The following ZC3H3 variants were observed in gnomAD, a reference collection of about 807,000 sequenced individuals.
ZC3H3 encodes the protein zinc finger CCCH-type containing 3, also known as zinc finger CCCH domain-containing protein 3.
In ZC3H3, 36 loss-of-function variants were observed where a neutral mutation model predicts 77.3. That is an observed-to-expected ratio of 0.47 (90% CI 0.36 to 0.61). The LOEUF (loss-of-function observed/expected upper bound fraction) is 0.61, where lower values mean the gene tolerates loss of function less well. ZC3H3 is among the 20% of genes least tolerant of loss of function. ZC3H3 has a pLI of 0.00. For synonymous variants in ZC3H3, 626 were observed against 555.2 expected, an observed-to-expected ratio of 1.13 and a Z score of -1.79; for missense variants, 1,331 against 1,312.2, an observed-to-expected ratio of 1.01 and a Z score of -0.22.
intron 5 of ZC3H3, among the ~76,000 whole-genome samples, chr8:143,471,081 T>C (rs948452024): frequency 6.6e-6 from 1 of 152,128 alleles, no homozygotes; most frequent in Non-Finnish European, 1.5e-5. Context: ...CAGGCCCTGC[T>C]CCGGCCAGCA....
At chr8:143,517,451 C>T (rs1442319990) in intron 3 of ZC3H3, among the ~76,000 whole-genome samples, 2 of 152,116 alleles carry the variant, frequency 1.3e-5, no homozygotes, top group East Asian at 1.9e-4. Context: ...CCCCAGGCCG[C>T]GCTCCAAGCA....
chr8:143,511,075 A>G (rs1351617923), intron 3 of ZC3H3, among the ~76,000 whole-genome samples: 3 of 152,258 alleles, frequency 2.0e-5, no homozygotes, highest in Non-Finnish European at 4.4e-5. Context: ...ATGAGATATG[A>G]GCCCATCCAT....
chr8:143,510,027 T>C (rs1244820049), intron 3 of ZC3H3, among the ~76,000 whole-genome samples: 2 of 152,108 alleles, frequency 1.3e-5, no homozygotes, highest in Non-Finnish European at 2.9e-5. Flanking sequence ...AGGGGCAGCT[T>C]GGGGCAGGCA....
chr8:143,475,220 C>A (rs1312760082), intron 5 of ZC3H3, among the ~76,000 whole-genome samples, 178 bp downstream of exon 5: 1 of 152,228 alleles, frequency 6.6e-6, no homozygotes, highest in East Asian at 1.9e-4. Context: ...TTGGGAAGTG[C>A]TTGTTTGGAC....
Position 143,501,770 on chromosome 8 carries a change from G to A in ZC3H3, c.1715+5976C>T, listed in dbSNP as rs1052779169. Among the ~76,000 whole-genome samples, 5 of 152,162 alleles carry A rather than the reference G, an allele frequency of 3.3e-5. No individual in the cohort carries two copies. The East Asian group carries it at 7.7e-4, about 23-fold the overall frequency. On this transcript the variant is annotated intron_variant, in intron 4 of 11. Transcript: ENST00000262577. ...GGATCCCATGGTCCTCTGACTACAG[G>A]TGTGAGCCATCATGCCCGGCCCCGG...
intron 4 of ZC3H3, among the ~76,000 whole-genome samples, chr8:143,484,017 G>C (rs1820979830): frequency 6.6e-6 from 1 of 152,216 alleles, no homozygotes; most frequent in South Asian, 2.1e-4. Flanking sequence ...CTGGGTGGGA[G>C]CTGAGAGCCC....
chr8:143,532,252 A>G (rs546808790), intron 3 of ZC3H3, among the ~76,000 whole-genome samples: 1 of 152,384 alleles, frequency 6.6e-6, no homozygotes, highest in Non-Finnish European at 1.5e-5. Flanking sequence ...GGGTGGACGG[A>G]GGCGATAGGA....
At chr8:143,486,244 C>T (rs922630535) in intron 4 of ZC3H3, among the ~76,000 whole-genome samples, 2 of 152,256 alleles carry the variant, frequency 1.3e-5, no homozygotes, top group Non-Finnish European at 2.9e-5. Context: ...GGCAATGTAG[C>T]GGAGTGAGAA....
chr8:143,447,791 A>C (rs571325644), intron 9 of ZC3H3, among the ~76,000 whole-genome samples: 1 of 152,286 alleles, frequency 6.6e-6, no homozygotes, highest in South Asian at 2.1e-4. Context: ...ATGTCATGAG[A>C]AGCCTACCAC....
intron 4 of ZC3H3, among the ~76,000 whole-genome samples, chr8:143,505,315 G>A (rs924641792): frequency 3.3e-5 from 5 of 152,240 alleles, no homozygotes; most frequent in Non-Finnish European, 7.3e-5. Flanking sequence ...CCAGCCACAT[G>A]CAGGCAGCCC....
In ZC3H3 at chr8:143,496,475, C is replaced by A. The variant is rs944534110; in HGVS notation, c.1715+11271G>T. ...CAGGCCAGCCTCAAGCGGCTTCCAC[C>A]AGCCAAGGCTGGGACCACCTGAGAA... On this transcript the variant is annotated intron_variant, in intron 4 of 11. Coordinates refer to ENST00000262577, the MANE Select transcript of ZC3H3 (RefSeq NM_015117.3). Among the ~76,000 whole-genome samples the A allele has an allele frequency of 2.6e-5, 4 of 152,212 alleles. No homozygotes were observed. In the South Asian group the frequency reaches 8.3e-4, roughly 32 times the overall value.
chr8:143,468,383 T>G lies in ZC3H3; in HGVS notation c.2104A>C (p.Arg702=). The change falls in exon 7 of 12, where the codon AGG becomes CGG. Residue 702 remains arginine (R), a splice_region_variant and synonymous_variant. Coordinates refer to ENST00000262577, the MANE Select transcript of ZC3H3 (RefSeq NM_015117.3). ...HDPEKVAVCT[R]FVRGTCKKTD... ...CCCACAGCGAGGGCAGGAGGGCACCTGGTGCACACGGCCACCTTCTCGGGA... is the reference window on the plus strand; with the variant it reads ...CCCACAGCGAGGGCAGGAGGGCACCGGGTGCACACGGCCACCTTCTCGGGA... 1 of 1,612,628 alleles carries G rather than the reference T, an allele frequency of 6.2e-7. No individual in the cohort carries two copies. Among genetic ancestry groups the G allele is most frequent in the Non-Finnish European group, 8.5e-7 (1 of 1,179,750 alleles).
intron 4 of ZC3H3, among the ~76,000 whole-genome samples, chr8:143,489,832 G>A (rs73715632): frequency 0.018 from 2,800 of 152,278 alleles, 77 homozygotes; most frequent in African/African-American, 0.064. Context: ...CTTAGCAGAC[G>A]TCCAACCGCA....
At chr8:143,470,729 T>C (rs371594519) in intron 5 of ZC3H3, among the ~76,000 whole-genome samples, 17 of 152,340 alleles carry the variant, frequency 1.1e-4, no homozygotes, top group African/African-American at 3.8e-4. Context: ...AAAATGCCAG[T>C]GTGAGGCTCA....
At chr8:143,518,537 G>C (rs568370675) in intron 3 of ZC3H3, among the ~76,000 whole-genome samples, 50 of 152,334 alleles carry the variant, frequency 3.3e-4, no homozygotes, top group African/African-American at 1.1e-3. Context: ...AGGACTCCCC[G>C]GCCACATGCC....
intron 4 of ZC3H3, among the ~76,000 whole-genome samples, chr8:143,485,930 G>C (rs748178623): frequency 6.6e-5 from 10 of 152,244 alleles, no homozygotes; most frequent in African/African-American, 1.7e-4. Flanking sequence ...CAGGAGACAC[G>C]GGCCTGAGAA....
intron 9 of ZC3H3, among the ~76,000 whole-genome samples, chr8:143,449,514 G>A (rs941465086): frequency 9.9e-5 from 15 of 152,228 alleles, no homozygotes; most frequent in African/African-American, 2.9e-4. Flanking sequence ...CTGAGGTCAG[G>A]GGTTCAAGAC....
At chr8:143,536,477 C>T (rs907995229) in intron 2 of ZC3H3, 24 bp from the exon 3 acceptor site, 8 of 1,474,350 alleles carry the variant, frequency 5.4e-6, no homozygotes, top group Admixed American at 4.7e-5. Context: ...ATACAGGCAG[C>T]TCTCAACAAG....
intron 9 of ZC3H3, among the ~76,000 whole-genome samples, chr8:143,452,082 T>G (rs761420150): frequency 6.6e-5 from 10 of 152,168 alleles, no homozygotes; most frequent in Admixed American, 1.3e-4. Flanking sequence ...ACAGAAGGTC[T>G]CGGGCAACAG....
Sources: gnomAD v4.1 joint callset for allele counts (sites outside exome capture counted in the v4.1 genomes callset) on GRCh38, gnomAD v4.1.1 for gene constraint, MANE v1.5 for transcripts, NCBI Gene and HGNC (gene_info 2026-07-23, HGNC 2026-07-21) for gene names.